ATP8A2: variants seen among roughly 807,000 people sequenced by gnomAD.
The protein encoded by ATP8A2 is phospholipid-transporting ATPase IB.
In ATP8A2, 100 loss-of-function variants were observed where a neutral mutation model predicts 165.6. The ratio of observed to expected loss-of-function variants is 0.60; its 90% CI spans 0.51 to 0.71. ATP8A2 has a LOEUF of 0.71. ATP8A2 is among the 30% of genes least tolerant of loss of function. The probability of loss-of-function intolerance (pLI) is 0.00; values close to 1 mark genes in which losing one functional copy is unlikely to be tolerated. For missense variants in ATP8A2, 1,227 were observed against 1,479.5 expected, an observed-to-expected ratio of 0.83 and a Z score of 2.80; for synonymous variants, 543 against 548.8, an observed-to-expected ratio of 0.99 and a Z score of 0.15.
chr13:25,977,297 A>G (rs555941731), intron 35 of ATP8A2, among the ~76,000 whole-genome samples: 1 of 151,820 alleles, frequency 6.6e-6, no homozygotes, highest in African/African-American at 2.4e-5. Context: ...CAATGGGGAG[A>G]GTTCTTAGGA....
chr13:25,808,466 G>A (rs1165306217), intron 27 of ATP8A2, among the ~76,000 whole-genome samples: 2 of 151,830 alleles, frequency 1.3e-5, no homozygotes, highest in African/African-American at 4.8e-5. Flanking sequence ...GGGCATGGTG[G>A]TGCATGCCTG....
intron 28 of ATP8A2, among the ~76,000 whole-genome samples, chr13:25,831,258 G>A (rs1245057862): frequency 5.8e-5 from 8 of 137,082 alleles, no homozygotes; most frequent in Admixed American, 4.7e-4. Context: ...TCTGTTGCCC[G>A]GGCTGGAGTG....
chr13:25,973,817 G>A (rs891594688), intron 35 of ATP8A2, among the ~76,000 whole-genome samples: 3 of 152,336 alleles, frequency 2.0e-5, no homozygotes, highest in Non-Finnish European at 2.9e-5. Context: ...CAATGACTGC[G>A]TCACTTCAGG....
rs188148066 is a variant in ATP8A2, at chr13:25,978,847, G to A, written c.3377+10168G>A. The stretch of plus-strand genomic sequence containing the variant: ...CCCAGCTACTTGAGAGGCTGAGGCA[G>A]GAGAATGACGTGAACCCGGGAGGCG... On this transcript the variant is annotated intron_variant, in intron 35 of 36. Coordinates refer to ENST00000381655, the MANE Select transcript of ATP8A2 (RefSeq NM_016529.6). 6.4e-3 allele frequency among the ~76,000 whole-genome samples: 975 copies of A among 152,296 alleles called. 5 individuals carry two copies. The highest frequency in any genetic ancestry group is 0.027 in the Middle Eastern group (8 of 294).
intron 27 of ATP8A2, among the ~76,000 whole-genome samples, chr13:25,811,873 A>G (rs1950880452): frequency 1.3e-5 from 2 of 152,130 alleles, no homozygotes; most frequent in Admixed American, 1.3e-4. Context: ...AGAAAACCCA[A>G]TTGTTTCTTC....
intron 25 of ATP8A2, among the ~76,000 whole-genome samples, chr13:25,703,082 TTTTG>T (rs1410948437): frequency 1.3e-5 from 2 of 152,086 alleles, no homozygotes; most frequent in Non-Finnish European, 2.9e-5. Context: ...TTGTTGTTGT[TTTTG>T]TTTGTTTGTT....
At chr13:25,431,986 T>C (rs1013166231) in intron 1 of ATP8A2, among the ~76,000 whole-genome samples, 17 of 152,232 alleles carry the variant, frequency 1.1e-4, no homozygotes, top group African/African-American at 4.1e-4. Flanking sequence ...TTGAGTCGTA[T>C]GGTGTGTGGC....
At chr13:25,484,282 T>G (rs1447006615) in intron 2 of ATP8A2, among the ~76,000 whole-genome samples, 1 of 152,178 alleles carries the variant, frequency 6.6e-6, no homozygotes, top group Non-Finnish European at 1.5e-5. Flanking sequence ...TTAAACTTGG[T>G]CCACATGTAT....
intron 27 of ATP8A2, among the ~76,000 whole-genome samples, chr13:25,808,055 G>C (rs1248061674): frequency 1.3e-5 from 2 of 151,194 alleles, no homozygotes; most frequent in African/African-American, 2.4e-5. Context: ...CCTATTTAAA[G>C]ACAAGAAAGA....
At chr13:25,491,105 A>C (rs573589165) in intron 2 of ATP8A2, among the ~76,000 whole-genome samples, 2 of 152,296 alleles carry the variant, frequency 1.3e-5, no homozygotes, top group South Asian at 4.2e-4. Context: ...ACACACATAT[A>C]TTCTTCAATG....
chr13:25,380,009 G>A (rs1037184702), intron 1 of ATP8A2, among the ~76,000 whole-genome samples: 4 of 152,188 alleles, frequency 2.6e-5, no homozygotes, highest in African/African-American at 9.7e-5. Context: ...ACTGAGAAGG[G>A]TTCTCGGGTA....
intron 36 of ATP8A2, 87 bp downstream of exon 36, chr13:26,012,709 G>C (rs1274170795): frequency 1.8e-5 from 11 of 601,506 alleles, no homozygotes; most frequent in East Asian, 4.5e-5. Flanking sequence ...GGGCGCTGAT[G>C]GGGGGCCGGG....
chr13:25,696,837 G>T (rs1043391609), intron 24 of ATP8A2, among the ~76,000 whole-genome samples: 1 of 152,106 alleles, frequency 6.6e-6, no homozygotes, highest in Non-Finnish European at 1.5e-5. Flanking sequence ...ATGCATTCAC[G>T]ACTTGGCTAA....
At chr13:25,644,251 G>A (rs2041612698) in intron 24 of ATP8A2, among the ~76,000 whole-genome samples, 1 of 151,944 alleles carries the variant, frequency 6.6e-6, no homozygotes, top group Admixed American at 6.6e-5. Flanking sequence ...GAATTGCTCT[G>A]GCAAGGAATC....
chr13:25,971,369 T>A (rs1010188872), intron 35 of ATP8A2, among the ~76,000 whole-genome samples: 1 of 151,970 alleles, frequency 6.6e-6, no homozygotes, highest in Non-Finnish European at 1.5e-5. Context: ...TCCTGAGGGG[T>A]GGAGGGTAGA....
rs138289136 is a variant in ATP8A2 at position 25,735,095 on chromosome 13, A to G, written c.2385-33951A>G. On this transcript the variant is annotated intron_variant, in intron 25 of 36. Transcript: ENST00000381655. ...AATGTAATTTATTTAATATGGTTCC[A>G]TTCCCCTGTCTTGAGGGTGGATACT... Among the ~76,000 whole-genome samples the G allele has an allele frequency of 8.5e-4, 129 of 152,298 alleles. 1 individual carries two copies. The highest frequency in any genetic ancestry group is 2.9e-3 in the African/African-American group (121 of 41,566).
chr13:25,858,273 C>G (rs1952231015), intron 30 of ATP8A2, among the ~76,000 whole-genome samples: 1 of 152,128 alleles, frequency 6.6e-6, no homozygotes, highest in Non-Finnish European at 1.5e-5. Context: ...ATTAATTCAG[C>G]CTTTCTTTTA....
chr13:25,664,463 AGGAGATGCCC>A (rs1388099581), intron 24 of ATP8A2, among the ~76,000 whole-genome samples: 7 of 152,162 alleles, frequency 4.6e-5, no homozygotes, highest in Non-Finnish European at 1.0e-4. Context: ...TGTTACTGTC[AGGAGATGCCC>A]GTTTGTAGGT....
intron 33 of ATP8A2, among the ~76,000 whole-genome samples, chr13:25,902,746 C>T (rs1205977659): frequency 6.6e-6 from 1 of 152,100 alleles, no homozygotes; most frequent in African/African-American, 2.4e-5. Context: ...CTGCACGTTC[C>T]TGTGCTTTCA....
Sources: gnomAD v4.1 joint callset for allele counts (sites outside exome capture counted in the v4.1 genomes callset) on GRCh38, gnomAD v4.1.1 for gene constraint, MANE v1.5 for transcripts, NCBI Gene and HGNC (gene_info 2026-07-23, HGNC 2026-07-21) for gene names.